SGCD: variants seen among roughly 807,000 people sequenced by gnomAD.
SGCD encodes the protein sarcoglycan delta.
A neutral mutation model predicts 36.6 loss-of-function variants in SGCD; 18 were observed. The ratio of observed to expected loss-of-function variants is 0.49; its 90% CI spans 0.34 to 0.73. The LOEUF (loss-of-function observed/expected upper bound fraction) is 0.73, where lower values mean the gene tolerates loss of function less well. SGCD is among the 30% of genes least tolerant of loss of function. SGCD has a pLI of 0.01. For synonymous variants in SGCD, 133 were observed against 130.6 expected (o/e 1.02, Z -0.12); for missense variants, 387 against 346.7 (o/e 1.12, Z -0.92).
intron 1 of SGCD, among the ~76,000 whole-genome samples, chr5:156,027,422 A>T (rs4704935): frequency 0.19 from 29,508 of 152,148 alleles, 3,583 homozygotes; most frequent in Admixed American, 0.35. Flanking sequence ...AAATGGAATA[A>T]TGCCAATACA....
At chr5:156,325,565 T>C (rs1767784798), upstream of SGCD, among the ~76,000 whole-genome samples, 1 of 152,188 alleles carries the variant, frequency 6.6e-6, no homozygotes, top group Non-Finnish European at 1.5e-5. Flanking sequence ...AGACCCAGGC[T>C]ATCTGATTAG....
At chr5:155,849,398 G>A in the SGCD span, among the ~76,000 whole-genome samples, 1 of 151,474 alleles carries the variant, frequency 6.6e-6, no homozygotes, top group Non-Finnish European at 1.5e-5. Context: ...ATGTGATACA[G>A]GCACACACAC....
At chr5:156,639,655 T>C (rs886767421) in intron 6 of SGCD, among the ~76,000 whole-genome samples, 1 of 152,212 alleles carries the variant, frequency 6.6e-6, no homozygotes, top group Admixed American at 6.5e-5. Context: ...CAGCTTTTGA[T>C]AGAATGTCTC....
At chr5:155,930,003 T>A (rs946642250) in intron 1 of SGCD, among the ~76,000 whole-genome samples, 2 of 152,180 alleles carry the variant, frequency 1.3e-5, no homozygotes, top group Middle Eastern at 3.2e-3. Flanking sequence ...TCCTACAGAT[T>A]GAACTCCCTG....
At chr5:156,046,346 T>C (rs544875249) in intron 1 of SGCD, among the ~76,000 whole-genome samples, 1 of 152,196 alleles carries the variant, frequency 6.6e-6, no homozygotes, top group South Asian at 2.1e-4. Context: ...TCTACACTTC[T>C]GCTGTATACT....
chr5:156,127,953 G>C (rs1306281489), intron 3 of SGCD, among the ~76,000 whole-genome samples: 1 of 145,396 alleles, frequency 6.9e-6, no homozygotes, highest in Non-Finnish European at 1.5e-5. Context: ...TCTTAGAAAG[G>C]ACACAAATGC....
the SGCD span, among the ~76,000 whole-genome samples, chr5:155,736,888 C>T: frequency 8.5e-5 from 13 of 152,104 alleles, no homozygotes; most frequent in Non-Finnish European, 1.3e-4. Context: ...ACGGGATTAA[C>T]CAGAATAGAG....
intron 3 of SGCD, among the ~76,000 whole-genome samples, chr5:156,406,979 T>C (rs1772466859): frequency 6.6e-6 from 1 of 151,668 alleles, no homozygotes; most frequent in Non-Finnish European, 1.5e-5. Context: ...AGTCCGATGT[T>C]CAAAGGCAGG....
At chr5:156,606,142 T>A (rs1483334979) in intron 6 of SGCD, among the ~76,000 whole-genome samples, 4 of 152,168 alleles carry the variant, frequency 2.6e-5, no homozygotes, top group Admixed American at 1.3e-4. Context: ...CTGAATGGTA[T>A]TGCCTAGGTT....
intron 3 of SGCD, among the ~76,000 whole-genome samples, chr5:156,214,933 T>C (rs1383055046): frequency 6.6e-6 from 1 of 152,036 alleles, no homozygotes; most frequent in African/African-American, 2.4e-5. Flanking sequence ...TTACATCAGA[T>C]GCAAAAATAA....
At chr5:155,868,069 C>T (rs963261000), upstream of SGCD, among the ~76,000 whole-genome samples, 8 of 147,896 alleles carry the variant, frequency 5.4e-5, no homozygotes, top group Non-Finnish European at 7.5e-5. Flanking sequence ...TTTTTTTTTT[C>T]GAGATGGAGT....
chr5:156,748,910 G>T (rs569444154), intron 7 of SGCD, among the ~76,000 whole-genome samples: 1 of 152,006 alleles, frequency 6.6e-6, no homozygotes, highest in African/African-American at 2.4e-5. Context: ...GATTACAGGC[G>T]TGTACCACCA....
intron 1 of SGCD, among the ~76,000 whole-genome samples, chr5:156,047,150 G>A (rs768284406): frequency 2.0e-5 from 3 of 152,112 alleles, no homozygotes; most frequent in African/African-American, 4.8e-5. Flanking sequence ...AGATGAGGAA[G>A]CTGCAGAAGA....
At position 156,611,811 on chromosome 5, in the gene SGCD, A is replaced by G. The variant is rs78365202; in HGVS notation, c.502+16760A>G. On this transcript the variant is annotated intron_variant, in intron 6 of 8. Coordinates refer to ENST00000337851, the MANE Select transcript of SGCD (RefSeq NM_000337.6). ...CTTTTTATCTGACTGGACTATTTCA[A>G]AATACCTGTCTTCATGTTCAAAAAT... Among the ~76,000 whole-genome samples, 267 of 152,318 alleles carry G rather than the reference A, an allele frequency of 1.8e-3. 7 individuals are homozygous for G. In the East Asian group the frequency reaches 0.048, roughly 27 times the overall value.
intron 3 of SGCD, among the ~76,000 whole-genome samples, chr5:156,417,548 T>C (rs550763847): frequency 6.6e-6 from 1 of 152,254 alleles, no homozygotes; most frequent in East Asian, 1.9e-4. Flanking sequence ...CTCATACTTC[T>C]GCAGTCTGGA....
intron 4 of SGCD, among the ~76,000 whole-genome samples, chr5:156,520,057 G>T (rs760412361): frequency 4.6e-5 from 7 of 152,138 alleles, no homozygotes; most frequent in Non-Finnish European, 7.4e-5. Context: ...ATTCAAATAG[G>T]AAGAGAGGAA....
intron 6 of SGCD, among the ~76,000 whole-genome samples, chr5:156,633,478 A>C (rs148179768): frequency 1.3e-5 from 2 of 152,340 alleles, no homozygotes; most frequent in African/African-American, 4.8e-5. Context: ...CGGGGAGTTA[A>C]GAACATGGCC....
intron 3 of SGCD, among the ~76,000 whole-genome samples, chr5:156,385,797 A>T (rs1209008303): frequency 6.6e-6 from 1 of 152,212 alleles, no homozygotes; most frequent in Non-Finnish European, 1.5e-5. Context: ...ATGCATTGTT[A>T]AATATTACCG....
chr5:156,379,699 T>G (rs1421417159), intron 3 of SGCD, among the ~76,000 whole-genome samples: 2 of 152,148 alleles, frequency 1.3e-5, no homozygotes, highest in African/African-American at 4.8e-5. Flanking sequence ...GGTAGAACAC[T>G]ATTACAATAA....
Sources: gnomAD v4.1 joint callset for allele counts (sites outside exome capture counted in the v4.1 genomes callset) on GRCh38, gnomAD v4.1.1 for gene constraint, MANE v1.5 for transcripts, NCBI Gene and HGNC (gene_info 2026-07-23, HGNC 2026-07-21) for gene names.